Variants in SLCO4A1 observed in about 807,000 individuals in gnomAD.
SLCO4A1 encodes the protein colon organic anion transporter.
Under a neutral mutation model 64.6 loss-of-function variants are expected in SLCO4A1, and 51 were observed. The ratio of observed to expected loss-of-function variants is 0.79; its 90% CI spans 0.63 to 1.00. The LOEUF is 1.00. Among genes scored for constraint, SLCO4A1 ranks in the 50% least tolerant of loss-of-function variants. SLCO4A1 has a pLI of 0.00. For synonymous variants in SLCO4A1, 471 were observed against 444.9 expected (o/e 1.06, Z -0.74); for missense variants, 919 against 980.5 (o/e 0.94, Z 0.84).
chr20:62,652,483 T>A (rs968715752), intron 1 of SLCO4A1, among the ~76,000 whole-genome samples: 1 of 152,110 alleles, frequency 6.6e-6, no homozygotes, highest in African/African-American at 2.4e-5. Flanking sequence ...TCCTCCGGCT[T>A]TTCCGCTGAC....
Position 62,656,821 on chromosome 20 carries a change from T to C in SLCO4A1, c.367T>C (p.Phe123Leu). ...CCTGCAGGGGATGACTGTGAATGGC[T>C]TCATCAACACAGTCATCACCTCCCT... is the stretch of plus-strand genomic sequence containing the variant. ...AFLQGMTVNG[F>L]INTVITSLER... Residue 123 changes from phenylalanine to leucine, a missense_variant, in exon 2 of 12, where the codon TTC becomes CTC. Physicochemically the swap from Phe to Leu is conservative, Grantham distance 22. Transcript: ENST00000217159. 6.2e-7 allele frequency: 1 copy of C among 1,612,842 alleles called. No individual in the cohort carries two copies. Among genetic ancestry groups the C allele is most frequent in the South Asian group, 1.1e-5 (1 of 91,062 alleles).
At chr20:62,660,227 G>T (rs1984505573) in intron 3 of SLCO4A1, among the ~76,000 whole-genome samples, 185 bp from the exon 4 acceptor site, 1 of 152,238 alleles carries the variant, frequency 6.6e-6, no homozygotes, top group South Asian at 2.1e-4. Context: ...CCAAGGTGGT[G>T]TTTGCTTTAG....
At position 62,668,538 on chromosome 20, in the gene SLCO4A1, C is replaced by G; in HGVS notation, c.1873C>G (p.Leu625Val). Residue 625 changes from leucine to valine, a missense_variant, in exon 10 of 12, where the codon CTA becomes GTA. Coordinates refer to ENST00000217159, the MANE Select transcript of SLCO4A1 (RefSeq NM_016354.4). ...AATCCAGTGGATTGTAGTTAGAATACTAGGTACTGTGCAGTGTGAGGAAGC... is the reference window on the plus strand; with the variant it reads ...AATCCAGTGGATTGTAGTTAGAATAGTAGGTACTGTGCAGTGTGAGGAAGC... The part of the protein sequence containing the change: ...LGIQWIVVRI[L>V]GGIPGPIAFG... The G allele has an allele frequency of 6.2e-7, 1 of 1,612,814 alleles. No homozygotes were observed. The highest frequency in any genetic ancestry group is 8.5e-7 in the Non-Finnish European group (1 of 1,178,966).
chr20:62,678,718 G>A (rs7266121), intron 2 of SLCO4A1, among the ~76,000 whole-genome samples: 30,190 of 151,940 alleles, frequency 0.2, 3,466 homozygotes, highest in African/African-American at 0.32. Context: ...ACAGCCACAC[G>A]ATAGACTCAG....
downstream of SLCO4A1, among the ~76,000 whole-genome samples, chr20:62,673,345 C>T (rs1432383140): frequency 7.0e-6 from 1 of 143,172 alleles, no homozygotes; most frequent in African/African-American, 2.5e-5. Flanking sequence ...AGGAACCTCA[C>T]CAGGTCCCAC....
Position 62,645,446 on chromosome 20 carries a change from G to GTGAGGGTGCGGGTGAGGA in SLCO4A1, c.-97+2912_-97+2929dup, listed in dbSNP as rs1296734975. ...GCTGGCCCTTCAGGCTACGGTGAGG[G>GTGAGGGTGCGGGTGAGGA]TGAGGGTGCGGGTGAGGATGAGGGT... On this transcript the variant is annotated intron_variant, in intron 1 of 11. Coordinates refer to ENST00000217159, the MANE Select transcript of SLCO4A1 (RefSeq NM_016354.4). The surrounding 1 kb of genome is among the most constrained non-coding windows in gnomAD (Gnocchi z 4.2). Among the ~76,000 whole-genome samples the GTGAGGGTGCGGGTGAGGA allele has an allele frequency of 3.3e-5, 5 of 149,500 alleles. No homozygotes were observed. The highest frequency in any genetic ancestry group is 2.5e-5 in the African/African-American group (1 of 40,582).
chr20:62,664,669 G>C (rs184827258), intron 5 of SLCO4A1, among the ~76,000 whole-genome samples: 108 of 152,308 alleles, frequency 7.1e-4, no homozygotes, highest in African/African-American at 2.6e-3. Context: ...GGTTTCTCTG[G>C]AATAAGTGTG....
At position 62,660,444 on chromosome 20, in the gene SLCO4A1, T is replaced by G. The variant is rs760402073; in HGVS notation, c.920T>G (p.Val307Gly). ...CTGACCACCGAGAGCCCACTGTGGG[T>G]CGGCGCCTGGTGGGTCGGCTTCCTG... ...TELTTESPLW[V>G]GAWWVGFLGS... is the part of the protein sequence containing the mutation. The change falls in exon 4 of 12, where the codon GTC (valine) becomes GGC (glycine). Residue 307 changes from valine (V) to glycine (G), a missense_variant. By Grantham distance (109) the Val-to-Gly change is moderately radical (BLOSUM62 -3). Coordinates refer to ENST00000217159, the MANE Select transcript of SLCO4A1 (RefSeq NM_016354.4). 6.3e-7 allele frequency: 1 copy of G among 1,599,670 alleles called. No homozygotes were observed. The highest frequency in any genetic ancestry group is 1.1e-5 in the South Asian group (1 of 91,036).
intron 1 of SLCO4A1, among the ~76,000 whole-genome samples, chr20:62,654,898 C>G (rs961787670): frequency 6.6e-6 from 1 of 152,204 alleles, no homozygotes; most frequent in Non-Finnish European, 1.5e-5. Context: ...GCCGGCCCCC[C>G]TCGGAGGCTG....
downstream of SLCO4A1, among the ~76,000 whole-genome samples, chr20:62,690,245 A>G (rs1988184976): frequency 6.6e-6 from 1 of 152,190 alleles, no homozygotes; most frequent in Non-Finnish European, 1.5e-5. Flanking sequence ...AGGGGCCCAC[A>G]GGGAGACAGA....
At position 62,661,278 on chromosome 20, in the gene SLCO4A1, A is replaced by G; in HGVS notation, c.1121+103A>G. On this transcript the variant is annotated intron_variant, in intron 5 of 11. Coordinates refer to ENST00000217159, the MANE Select transcript of SLCO4A1 (RefSeq NM_016354.4). The surrounding 1 kb of genome is among the most constrained non-coding windows in gnomAD (Gnocchi z 5.2). ...CCCTCCGGGATCATGATGGGGACGCAGCCCCTAACCTCTGTCGTGACCCTG... is the reference window on the plus strand; with the variant it reads ...CCCTCCGGGATCATGATGGGGACGCGGCCCCTAACCTCTGTCGTGACCCTG... 1 of 799,332 alleles carries G rather than the reference A, an allele frequency of 1.3e-6. No individual in the cohort carries two copies. The highest frequency in any genetic ancestry group is 2.2e-6 in the Non-Finnish European group (1 of 463,834). 49.5% of individuals were successfully genotyped at this position (799,332 alleles called of 1,614,324 possible). A position where few individuals can be genotyped will look rare whatever the true frequency, so the allele number is the denominator to read the frequency against.
intron 2 of SLCO4A1, among the ~76,000 whole-genome samples, chr20:62,678,532 CTTT>C (rs71195465): frequency 7.9e-5 from 11 of 138,634 alleles, no homozygotes; most frequent in Admixed American, 7.3e-5. Flanking sequence ...CAGCGCTATT[CTTT>C]TTTTTTTTTT....
Position 62,656,574 on chromosome 20 carries a change from C to T in SLCO4A1, c.120C>T (p.Ser40=), listed in dbSNP as rs1361946044. The part of the protein sequence containing the change: ...SRRASPGTPL[S]PGSLRSAAHS... Reference sequence around the variant, plus strand: ...GGGCATCCCCGGGCACACCCCTGAGCCCCGGCTCCCTCCGCTCCGCTGCCC... The same window carrying T: ...GGGCATCCCCGGGCACACCCCTGAGTCCCGGCTCCCTCCGCTCCGCTGCCC... Residue 40 remains serine, a synonymous_variant, in exon 2 of 12, where the codon AGC becomes AGT. Coordinates refer to ENST00000217159, the MANE Select transcript of SLCO4A1 (RefSeq NM_016354.4). 1 of 1,588,522 alleles carries T rather than the reference C, an allele frequency of 6.3e-7. No individual in the cohort carries two copies. Among genetic ancestry groups the T allele is most frequent in the Non-Finnish European group, 8.5e-7 (1 of 1,171,748 alleles).
At chr20:62,674,124 T>G (rs1987474917), downstream of SLCO4A1, among the ~76,000 whole-genome samples, 1 of 152,162 alleles carries the variant, frequency 6.6e-6, no homozygotes, top group Non-Finnish European at 1.5e-5. Context: ...ATGCCTGCCC[T>G]CAAGCCCTCT....
At chr20:62,688,882 GA>G (rs367943369), downstream of SLCO4A1, among the ~76,000 whole-genome samples, 269 of 152,314 alleles carry the variant, frequency 1.8e-3, 1 homozygote, top group African/African-American at 5.4e-3. Context: ...AACATTTTCC[GA>G]GAAGCCCTTT....
intron 2 of SLCO4A1, among the ~76,000 whole-genome samples, chr20:62,679,417 AGTG>A (rs1987732157): frequency 6.6e-6 from 1 of 151,332 alleles, no homozygotes; most frequent in Non-Finnish European, 1.5e-5. Flanking sequence ...CTTGGAGTGC[AGTG>A]GTACAATCAT....
chr20:62,654,528 G>A (rs557897710), intron 1 of SLCO4A1, among the ~76,000 whole-genome samples: 16 of 152,338 alleles, frequency 1.1e-4, no homozygotes, highest in Admixed American at 7.8e-4. Context: ...ATCTCTGCGC[G>A]TCGCCGGCTG....
At position 62,644,585 on chromosome 20, in the gene SLCO4A1, C is replaced by T. The variant is rs1980986100; in HGVS notation, c.-97+2032C>T. Among the ~76,000 whole-genome samples the T allele has an allele frequency of 6.6e-6, 1 of 152,240 alleles. No individual in the cohort carries two copies. Among genetic ancestry groups the T allele is most frequent in the East Asian group, 1.9e-4 (1 of 5,198 alleles). On this transcript the variant is annotated intron_variant, in intron 1 of 11. Transcript: ENST00000217159. This position sits in a 1 kb window ranked among gnomAD's most constrained non-coding sequence, Gnocchi z 5.4. ...GATGGGCCCCTTGGCTTGACCAAGCCCCATTGCAGTTTTGGCTCCAGGTCG... is the reference window on the plus strand; with the variant it reads ...GATGGGCCCCTTGGCTTGACCAAGCTCCATTGCAGTTTTGGCTCCAGGTCG...
intron 2 of SLCO4A1, among the ~76,000 whole-genome samples, chr20:62,679,480 G>A (rs998217812): frequency 2.0e-5 from 3 of 151,834 alleles, no homozygotes. Context: ...TCCCACCTCA[G>A]CCTCCCAGGT....
Sources: gnomAD v4.1 joint callset for allele counts (sites outside exome capture counted in the v4.1 genomes callset) on GRCh38, gnomAD v4.1.1 for gene constraint, Gnocchi (gnomAD v3.1) non-coding constraint, MANE v1.5 for transcripts, NCBI Gene and HGNC (gene_info 2026-07-23, HGNC 2026-07-21) for gene names.